Variants in PDK3 observed in about 807,000 individuals in gnomAD.
PDK3 encodes the protein pyruvate dehydrogenase kinase 3.
Under a neutral mutation model 32.0 loss-of-function variants are expected in PDK3, and 12 were observed. The observed-to-expected ratio is 0.37, with a 90% CI of 0.24 to 0.61. The LOEUF is 0.61. Among genes scored for constraint, PDK3 ranks in the 20% least tolerant of loss-of-function variants. The pLI is 0.65. For missense variants in PDK3, 188 were observed against 316.9 expected, an observed-to-expected ratio of 0.59 and a Z score of 3.09; for synonymous variants, 122 against 116.3, an observed-to-expected ratio of 1.05 and a Z score of -0.31.
chrX:24,503,948 C>A (rs1033404766), intron 4 of PDK3, among the ~76,000 whole-genome samples: 1 of 112,386 alleles, frequency 8.9e-6, no homozygotes, highest in African/African-American at 3.2e-5. Context: ...GCCATCAGTT[C>A]TTTATTTCAC....
chrX:24,485,588 A>G (rs1240458202), intron 1 of PDK3, among the ~76,000 whole-genome samples: 2 of 111,165 alleles, frequency 1.8e-5, no homozygotes, highest in East Asian at 2.8e-4. Context: ...GAATGAACTA[A>G]AAGTCTGCAG....
At chrX:24,545,958 G>C (rs1442849648) in exon 12 of PDK3, 6 of 112,246 alleles carry the variant, frequency 5.3e-5, no homozygotes, top group Non-Finnish European at 1.1e-4. Flanking sequence ...GATAGCACCA[G>C]ATCTTCTCAA....
intron 6 of PDK3, 29 bp downstream of exon 6, chrX:24,519,039 T>G: frequency 9.9e-7 from 1 of 1,010,669 alleles, no homozygotes; most frequent in Non-Finnish European, 1.4e-6. Context: ...TAACCTTACA[T>G]TCAAAAAAGC....
intron 2 of PDK3, among the ~76,000 whole-genome samples, chrX:24,495,693 ACT>A (rs907106374): frequency 9.0e-6 from 1 of 111,456 alleles, no homozygotes; most frequent in Non-Finnish European, 1.9e-5. Flanking sequence ...CAACCTGGAG[ACT>A]CTCTGATGGT....
intron 10 of PDK3, among the ~76,000 whole-genome samples, chrX:24,533,353 G>A (rs1299892181): frequency 1.8e-5 from 2 of 109,437 alleles, no homozygotes; most frequent in Non-Finnish European, 3.8e-5. Flanking sequence ...GGCCAGGCTG[G>A]TCTCGAACTC....
chrX:24,543,886 C>G (rs1165460020), exon 12 of PDK3, among the ~76,000 whole-genome samples: 1 of 111,999 alleles, frequency 8.9e-6, no homozygotes, highest in African/African-American at 3.2e-5. Flanking sequence ...GTGTATTTAT[C>G]TATCCTTTGC....
At chrX:24,492,116 G>A (rs1356100079) in intron 1 of PDK3, among the ~76,000 whole-genome samples, 1 of 112,136 alleles carries the variant, frequency 8.9e-6, no homozygotes, top group African/African-American at 3.2e-5. Context: ...TTTTAACTTA[G>A]ATAATAGGGA....
At chrX:24,533,667 T>C (rs188121028) in intron 10 of PDK3, among the ~76,000 whole-genome samples, 2 of 112,041 alleles carry the variant, frequency 1.8e-5, no homozygotes, top group Admixed American at 9.5e-5. Flanking sequence ...CTCAAAGCAG[T>C]ATGAGCTGAA....
At position 24,518,927 on chromosome X, in the gene PDK3, T is replaced by A. The variant is rs764622778; in HGVS notation, c.596-6T>A. On this transcript the variant is annotated splice_polypyrimidine_tract_variant and splice_region_variant and intron_variant, in intron 5 of 10. Transcript: ENST00000379162. ...ACAGCAGCTAAACTTTTTCCTTTTC[T>A]TGCAGATGCATATGAAACAGCCAAG... 8.5e-7 allele frequency: 1 copy of A among 1,180,105 alleles called. No individual in the cohort carries two copies. Among genetic ancestry groups the A allele is most frequent in the East Asian group, 3.0e-5 (1 of 33,611 alleles).
intron 6 of PDK3, among the ~76,000 whole-genome samples, chrX:24,519,248 T>C (rs1472025390): frequency 9.0e-6 from 1 of 111,075 alleles, no homozygotes; most frequent in Non-Finnish European, 1.9e-5. Flanking sequence ...AGGTAGAGTA[T>C]GTAGAAAGGT....
At chrX:24,540,788 G>T (rs766198366) in exon 12 of PDK3, among the ~76,000 whole-genome samples, 1 of 103,773 alleles carries the variant, frequency 9.6e-6, no homozygotes, top group Non-Finnish European at 1.9e-5. Flanking sequence ...GACCGAGTCA[G>T]TGTCTTGGGG....
chrX:24,527,028 A>G (rs930428748), intron 7 of PDK3, among the ~76,000 whole-genome samples: 1 of 112,355 alleles, frequency 8.9e-6, no homozygotes, highest in Non-Finnish European at 1.9e-5. Flanking sequence ...TGGGCATTCA[A>G]TTGTGAACTT....
chrX:24,538,551 G>A (rs1922825861), downstream of PDK3, among the ~76,000 whole-genome samples: 1 of 111,869 alleles, frequency 8.9e-6, no homozygotes, highest in Non-Finnish European at 1.9e-5. Flanking sequence ...GGCCATGGCG[G>A]GTGGATCACT....
intron 5 of PDK3, among the ~76,000 whole-genome samples, chrX:24,514,079 A>G (rs1161886506): frequency 6.3e-5 from 7 of 111,853 alleles, no homozygotes; most frequent in Non-Finnish European, 1.3e-4. Context: ...TGCATTCAAG[A>G]TAGAGGCTAA....
At chrX:24,523,358 C>A (rs981294050) in intron 6 of PDK3, among the ~76,000 whole-genome samples, 1 of 112,463 alleles carries the variant, frequency 8.9e-6, no homozygotes, top group African/African-American at 3.2e-5. Context: ...AACATTCCGT[C>A]CATAAGAGGC....
intron 1 of PDK3, among the ~76,000 whole-genome samples, chrX:24,488,799 T>C (rs771287962): frequency 1.8e-5 from 2 of 112,598 alleles, no homozygotes; most frequent in Non-Finnish European, 3.7e-5. Flanking sequence ...TCTAATGACC[T>C]GTTTGCATCC....
intron 1 of PDK3, among the ~76,000 whole-genome samples, chrX:24,481,662 T>C (rs925878711): frequency 2.7e-5 from 3 of 111,387 alleles, no homozygotes; most frequent in African/African-American, 9.8e-5. Flanking sequence ...TGAGATCTGG[T>C]TGTTTAAAAG....
At chrX:24,545,069 CTTAAG>C (rs773157048) in exon 12 of PDK3, among the ~76,000 whole-genome samples, 4 of 112,051 alleles carry the variant, frequency 3.6e-5, no homozygotes, top group Admixed American at 9.4e-5. Context: ...TTTTAATGAA[CTTAAG>C]TTATCAGCCA....
chrX:24,524,841 A>G (rs181360206), intron 6 of PDK3, among the ~76,000 whole-genome samples: 17 of 112,054 alleles, frequency 1.5e-4, no homozygotes, highest in Admixed American at 1.0e-3. Context: ...AGCCGTTTAC[A>G]TATATTACTA....
Sources: gnomAD v4.1 joint callset for allele counts (sites outside exome capture counted in the v4.1 genomes callset) on GRCh38, gnomAD v4.1.1 for gene constraint, MANE v1.5 for transcripts, NCBI Gene and HGNC (gene_info 2026-07-23, HGNC 2026-07-21) for gene names.